The following TFCP2L1 variants were observed in gnomAD, a reference collection of about 807,000 sequenced individuals.
TFCP2L1 encodes transcription factor CP2-like protein 1.
Under a neutral mutation model 72.2 loss-of-function variants are expected in TFCP2L1, and 12 were observed. The observed-to-expected ratio is 0.17, with a 90% CI of 0.11 to 0.27. TFCP2L1 has a LOEUF of 0.27. TFCP2L1 is among the 10% of genes least tolerant of loss of function. The pLI is 1.00. For synonymous variants in TFCP2L1, 260 were observed against 251.0 expected (o/e 1.04, Z -0.34); for missense variants, 488 against 624.6 (o/e 0.78, Z 2.33).
intron 2 of TFCP2L1, among the ~76,000 whole-genome samples, chr2:121,261,273 G>A (rs1005208379): frequency 5.3e-5 from 8 of 152,180 alleles, no homozygotes; most frequent in East Asian, 1.9e-4. Context: ...CATGTCTGGC[G>A]TAAGATGAAT....
At position 121,224,161 on chromosome 2, in the gene TFCP2L1, C is replaced by T; in HGVS notation, c.*180G>A. The T allele has an allele frequency of 1.6e-6, 1 of 636,078 alleles. No homozygotes were observed. 39.4% of individuals were successfully genotyped at this position (636,078 alleles called of 1,614,324 possible). On this transcript the variant is annotated 3_prime_UTR_variant, in exon 15 of 15. Coordinates refer to ENST00000263707, the MANE Select transcript of TFCP2L1 (RefSeq NM_014553.3). ...AGAAAGGAGCCACTGGCTTTCTGTA[C>T]ACCGTACTTGGTGTCCACAGGCTTC...
chr2:121,271,194 T>TAAAAAA (rs1558744728), intron 2 of TFCP2L1, among the ~76,000 whole-genome samples: 1 of 111,124 alleles, frequency 9.0e-6, no homozygotes, highest in Non-Finnish European at 1.7e-5. Flanking sequence ...CGTCTCAAAA[T>TAAAAAA]AAAAATAAAA....
chr2:121,231,727 G>A, intron 13 of TFCP2L1, 99 bp downstream of exon 13: 1 of 1,515,720 alleles, frequency 6.6e-7, no homozygotes, highest in East Asian at 2.3e-5. Context: ...GAACCTGTCT[G>A]TCACTCCCAA....
intron 2 of TFCP2L1, among the ~76,000 whole-genome samples, chr2:121,270,138 G>A (rs1687017428): frequency 6.6e-6 from 1 of 152,010 alleles, no homozygotes; most frequent in South Asian, 2.1e-4. Context: ...GAGGAAAGGA[G>A]AATTAAAAGA....
intron 2 of TFCP2L1, among the ~76,000 whole-genome samples, chr2:121,265,703 C>G (rs543509350): frequency 6.6e-5 from 10 of 151,726 alleles, no homozygotes; most frequent in Non-Finnish European, 1.5e-4. Flanking sequence ...AGGCTGGTCT[C>G]GAACTCCTGA....
chr2:121,284,026 G>A (rs896052816), intron 1 of TFCP2L1, among the ~76,000 whole-genome samples: 2 of 152,238 alleles, frequency 1.3e-5, no homozygotes, highest in South Asian at 4.1e-4. Context: ...AAAAGGGGAT[G>A]TCTTCAGGGA....
rs1238604803 is a variant in TFCP2L1, at chr2:121,231,741, C to T, written c.1341+85G>A. ...TGAACCTGTCTGTCACTCCCAAACC[C>T]AAGTGTGTTTCTGGGGCAGGGGTTC... On this transcript the variant is annotated intron_variant, in intron 13 of 14. Transcript: ENST00000263707. 10 of 1,556,922 alleles carry T rather than the reference C, an allele frequency of 6.4e-6. No homozygotes were observed. In the East Asian group the frequency reaches 1.8e-4, roughly 28 times the overall value.
chr2:121,234,565 C>T (rs1461837290), intron 11 of TFCP2L1, among the ~76,000 whole-genome samples: 2 of 152,226 alleles, frequency 1.3e-5, no homozygotes, highest in Non-Finnish European at 2.9e-5. Context: ...AACTGAGGCT[C>T]GGAGGGCAAA....
At chr2:121,263,990 G>A (rs1686880677) in intron 2 of TFCP2L1, among the ~76,000 whole-genome samples, 2 of 152,178 alleles carry the variant, frequency 1.3e-5, no homozygotes, top group Non-Finnish European at 2.9e-5. Flanking sequence ...TAAGTTAGTA[G>A]GATAAAGGAC....
intron 12 of TFCP2L1, 136 bp from the exon 13 acceptor site, chr2:121,232,104 CT>C: frequency 1.3e-6 from 1 of 793,608 alleles, no homozygotes; most frequent in South Asian, 2.1e-5. Flanking sequence ...CACACTGCCA[CT>C]CTTTTTGTTT....
At chr2:121,240,709 T>A in intron 7 of TFCP2L1, 2 of 985,296 alleles carry the variant, frequency 2.0e-6, no homozygotes, top group Non-Finnish European at 2.4e-6. Context: ...GAGAATGGTA[T>A]CAGGAGGTGG....
At chr2:121,260,123 C>A (rs1224988519) in intron 2 of TFCP2L1, among the ~76,000 whole-genome samples, 1 of 152,104 alleles carries the variant, frequency 6.6e-6, no homozygotes, top group African/African-American at 2.4e-5. Flanking sequence ...CCTGAAGAAC[C>A]CACAGTACAC....
rs367784532 is a variant in TFCP2L1, at chr2:121,223,229, G to A, written c.*1112C>T. On this transcript the variant is annotated 3_prime_UTR_variant, in exon 15 of 15. Coordinates refer to ENST00000263707, the MANE Select transcript of TFCP2L1 (RefSeq NM_014553.3). ...ACTGGATCCCAGGAACCAGAGGCAA[G>A]ACAAAGACGAATTTCTGAGTCTACC... 2 of 152,156 alleles carry A rather than the reference G, an allele frequency of 1.3e-5. No individual in the cohort carries two copies. Among genetic ancestry groups the A allele is most frequent in the East Asian group, 3.9e-4 (2 of 5,176 alleles). 9.4% of individuals were successfully genotyped at this position (152,156 alleles called of 1,614,324 possible). A position where few individuals can be genotyped will look rare whatever the true frequency, so the allele number is the denominator to read the frequency against.
intron 1 of TFCP2L1, among the ~76,000 whole-genome samples, chr2:121,283,196 G>A (rs1687299170): frequency 6.6e-6 from 1 of 152,266 alleles, no homozygotes; most frequent in African/African-American, 2.4e-5. Flanking sequence ...ATCTTTATTT[G>A]CCAAGGAATA....
intron 7 of TFCP2L1, among the ~76,000 whole-genome samples, chr2:121,242,030 G>T (rs1429307117): frequency 8.4e-6 from 1 of 119,276 alleles, no homozygotes; most frequent in African/African-American, 3.3e-5. Flanking sequence ...ATTTTCTGTT[G>T]TACACTCTCT....
intron 2 of TFCP2L1, among the ~76,000 whole-genome samples, chr2:121,254,006 G>A (rs1000501932): frequency 2.0e-5 from 3 of 152,156 alleles, no homozygotes; most frequent in African/African-American, 4.8e-5. Context: ...GCTGACGAGC[G>A]AGGTCACACA....
At position 121,285,051 on chromosome 2, in the gene TFCP2L1, A is replaced by G; in HGVS notation, c.59T>C (p.Leu20Pro). 1 of 1,509,274 alleles carries G rather than the reference A, an allele frequency of 6.6e-7. No homozygotes were observed. The highest frequency in any genetic ancestry group is 1.3e-5 in the South Asian group (1 of 79,510). 93.5% of individuals were successfully genotyped at this position (1,509,274 alleles called of 1,614,324 possible). The change falls in exon 1 of 15, where the codon CTG becomes CCG. Residue 20 changes from leucine to proline, a missense_variant. Physicochemically the swap from Leu to Pro is moderately conservative, Grantham distance 98 (BLOSUM62 -3). This residue lies in a region of TFCP2L1 where 73 missense variants were observed against 59.7 expected (regional missense o/e 1.22). Transcript: ENST00000263707. ...GGGGACCGCGCGCGGCCCTTACCGC[A>G]GGTAGCTGCCGGAGTTGTGCTGGTT... ...HYNQHNSGSY[L>P]RDVLALPIFK...
At chr2:121,249,138 A>C in intron 3 of TFCP2L1, 51 bp from the exon 4 acceptor site, 1 of 1,360,056 alleles carries the variant, frequency 7.4e-7, no homozygotes, top group Non-Finnish European at 9.9e-7. Context: ...GGCCAAGAGG[A>C]ACCCACCTCT....
rs1481988874 is a variant in TFCP2L1 at position 121,223,188 on chromosome 2, T to C, written c.*1153A>G. ...CTAAATTAACCAAGAGCTGAAGCCCTGGGCCAGTAGAGATCACTGGATCCC... is the reference window on the plus strand; with the variant it reads ...CTAAATTAACCAAGAGCTGAAGCCCCGGGCCAGTAGAGATCACTGGATCCC... On this transcript the variant is annotated 3_prime_UTR_variant, in exon 15 of 15. Transcript: ENST00000263707. 1 of 152,142 alleles carries C rather than the reference T, an allele frequency of 6.6e-6. No individual in the cohort carries two copies. The highest frequency in any genetic ancestry group is 6.5e-5 in the Admixed American group (1 of 15,272). 9.4% of individuals were successfully genotyped at this position (152,142 alleles called of 1,614,324 possible).
Sources: gnomAD v4.1 joint callset for allele counts (sites outside exome capture counted in the v4.1 genomes callset) on GRCh38, gnomAD v4.1.1 for gene constraint, gnomAD v4.1.1 regional missense constraint, MANE v1.5 for transcripts, NCBI Gene and HGNC (gene_info 2026-07-23, HGNC 2026-07-21) for gene names.